The following ITIH6 variants were observed in gnomAD, a reference collection of about 807,000 sequenced individuals.
ITIH6 encodes the protein inter-alpha-trypsin inhibitor heavy chain family member 6.
A neutral mutation model predicts 58.2 loss-of-function variants in ITIH6; 60 were observed. The observed-to-expected ratio is 1.03, with a 90% confidence interval of 0.84 to 1.28. ITIH6 has a LOEUF of 1.28. Among genes scored for constraint, ITIH6 ranks in the 50% most tolerant of loss-of-function variants. The pLI is 0.00. For missense variants in ITIH6, 1,290 were observed against 1,021.1 expected, an observed-to-expected ratio of 1.26 and a Z score of -3.59; for synonymous variants, 493 against 417.4, an observed-to-expected ratio of 1.18 and a Z score of -2.21.
Position 54,749,907 on chromosome X carries a change from G to C in ITIH6, c.3930C>G (p.Ser1310=). Residue 1310 remains serine, a synonymous_variant, in exon 13 of 13, where the codon TCC becomes TCG. Transcript: ENST00000218436. ...VELLLGHPYL[S]YVL The stretch of plus-strand genomic sequence containing the variant: ...AATTCAGAAGCCATCACAGGACATA[G>C]GAGAGGTAGGGGTGGCCCAGAAGCA... 2 of 1,209,738 alleles carry C rather than the reference G, an allele frequency of 1.7e-6. No homozygotes were observed. Among genetic ancestry groups the C allele is most frequent in the Non-Finnish European group, 2.2e-6 (2 of 894,209 alleles).
chrX:54,770,824 A>G (rs1291139451), intron 6 of ITIH6, among the ~76,000 whole-genome samples: 1 of 112,530 alleles, frequency 8.9e-6, no homozygotes, highest in Non-Finnish European at 1.9e-5. Context: ...AGATCCAAGT[A>G]TCTGAGATAT....
chrX:54,763,002 CAGAG>C (rs1222766394), intron 6 of ITIH6, among the ~76,000 whole-genome samples: 15 of 112,049 alleles, frequency 1.3e-4, no homozygotes, highest in Non-Finnish European at 2.3e-4. Context: ...CACTGAGACT[CAGAG>C]AGGTGGGTGC....
At position 54,757,951 on chromosome X, in the gene ITIH6, G is replaced by A. The variant is rs764936598; in HGVS notation, c.2123C>T (p.Pro708Leu). 1 of 1,211,846 alleles carries A rather than the reference G, an allele frequency of 8.3e-7. No homozygotes were observed. Among genetic ancestry groups the A allele is most frequent in the East Asian group, 3.0e-5 (1 of 33,840 alleles). Residue 708 changes from proline (P) to leucine (L), a missense_variant, in exon 8 of 13, where the codon CCA becomes CTA. Coordinates refer to ENST00000218436, the MANE Select transcript of ITIH6 (RefSeq NM_198510.3). The part of the protein sequence containing the change: ...SMPTYPKAKI[P>L]AQQDSGTLAQ... ...CAAGGTGCCAGAATCCTGTTGTGCT[G>A]GAATTTTGGCCTTTGGGTATGTGGG...
chrX:54,762,742 A>G (rs1281775261), intron 6 of ITIH6, among the ~76,000 whole-genome samples: 1 of 110,497 alleles, frequency 9.1e-6, no homozygotes, highest in Non-Finnish European at 1.9e-5. Context: ...CAAATATTGA[A>G]CCCTTTGAGA....
chrX:54,758,332 T>A lies in ITIH6; in HGVS notation c.1742A>T (p.Asp581Val). 8.3e-7 allele frequency: 1 copy of A among 1,211,715 alleles called. No homozygotes were observed. Among genetic ancestry groups the A allele is most frequent in the Non-Finnish European group, 1.1e-6 (1 of 895,448 alleles). Residue 581 changes from aspartate (D) to valine (V), a missense_variant, in exon 8 of 13, where the codon GAC (aspartate) becomes GTC (valine). Coordinates refer to ENST00000218436, the MANE Select transcript of ITIH6 (RefSeq NM_198510.3). ...ELLDAHFQARDTTTRHLLAAK... is the reference protein window; with the variant it reads ...ELLDAHFQARVTTTRHLLAAK... ...AGCCAGCAGGTGGCGAGTGGTGGTG[T>A]CACGAGCTTGGAAGTGTGCATCCAG...
intron 9 of ITIH6, 99 bp downstream of exon 9, chrX:54,754,918 T>C: frequency 6.6e-6 from 4 of 607,680 alleles, no homozygotes; most frequent in Non-Finnish European, 1.1e-5. Context: ...AGAAAACTAA[T>C]ACATTACTTC....
rs192230114 is a variant in ITIH6, at chrX:54,790,339, G to C, written c.616+498C>G. ...TGTGATTCTGATGTAGCCAGTCTGG[G>C]CTTCCAAAACCTCTAGGTGACATTT... On this transcript the variant is annotated intron_variant, in intron 4 of 12. Coordinates refer to ENST00000218436, the MANE Select transcript of ITIH6 (RefSeq NM_198510.3). Among the ~76,000 whole-genome samples, 66 of 111,970 alleles carry C rather than the reference G, an allele frequency of 5.9e-4. No individual in the cohort carries two copies. The East Asian group carries it at 7.6e-3, about 13-fold the overall frequency.
At chrX:54,783,535 T>C (rs1929184388) in intron 5 of ITIH6, among the ~76,000 whole-genome samples, 1 of 112,010 alleles carries the variant, frequency 8.9e-6, no homozygotes, top group Non-Finnish European at 1.9e-5. Context: ...CATTTCTATA[T>C]GCCAACAGTG....
At chrX:54,760,943 G>A (rs1928628389) in intron 6 of ITIH6, among the ~76,000 whole-genome samples, 1 of 111,543 alleles carries the variant, frequency 9.0e-6, no homozygotes, top group South Asian at 3.8e-4. Flanking sequence ...AATCCTTTGG[G>A]TATATACCCA....
At chrX:54,778,018 G>T (rs763926489) in intron 5 of ITIH6, among the ~76,000 whole-genome samples, 10 of 111,748 alleles carry the variant, frequency 8.9e-5, no homozygotes, top group Admixed American at 7.6e-4. Context: ...TTCAGACACA[G>T]AATTCAAAAT....
At chrX:54,793,865 G>A (rs1260226829) in intron 2 of ITIH6, among the ~76,000 whole-genome samples, 3 of 111,411 alleles carry the variant, frequency 2.7e-5, no homozygotes, top group Non-Finnish European at 5.6e-5. Context: ...CGTGGAGAAT[G>A]GAGAGTCTTG....
At chrX:54,769,987 G>A (rs867777226) in intron 6 of ITIH6, among the ~76,000 whole-genome samples, 133 of 109,243 alleles carry the variant, frequency 1.2e-3, no homozygotes, top group African/African-American at 3.9e-3. Context: ...CCTTGCTGCC[G>A]CCTTGCAGTT....
At chrX:54,794,685 C>A (rs956580181) in intron 2 of ITIH6, among the ~76,000 whole-genome samples, 3 of 111,494 alleles carry the variant, frequency 2.7e-5, no homozygotes, top group Non-Finnish European at 5.7e-5. Flanking sequence ...CACCCCAGGG[C>A]TGCTGTTTGA....
chrX:54,758,668 A>T lies in ITIH6; in HGVS notation c.1406T>A (p.Ile469Asn). ...CACATCTGCCAGCAGAGGCATGGAG[A>T]TCTCCTCATAGAGGCCCTTCAGCTG... Reference protein sequence around the residue: ...ALQLKGLYEEISMPLLADVRL... With the variant: ...ALQLKGLYEENSMPLLADVRL... Residue 469 changes from isoleucine to asparagine, a missense_variant, in exon 8 of 13, where the codon ATC becomes AAC. By Grantham distance (149) the Ile-to-Asn change is moderately radical. Transcript: ENST00000218436. The T allele has an allele frequency of 8.3e-7, 1 of 1,211,349 alleles. No homozygotes were observed. The highest frequency in any genetic ancestry group is 1.1e-6 in the Non-Finnish European group (1 of 895,311).
Position 54,758,392 on chromosome X carries a change from C to G in ITIH6, c.1682G>C (p.Arg561Pro). 8.3e-7 allele frequency: 1 copy of G among 1,210,885 alleles called. No homozygotes were observed. Among genetic ancestry groups the G allele is most frequent in the Non-Finnish European group, 1.1e-6 (1 of 894,980 alleles). The stretch of plus-strand genomic sequence containing the variant: ...AATGGTGACATAGGCCCAGAGGCGG[C>G]GGATGAAGTGGGCCACATTGGGGGC... Reference protein sequence around the residue: ...EPAPNVAHFIRRLWAYVTIGE... With the variant: ...EPAPNVAHFIPRLWAYVTIGE... Residue 561 changes from arginine (R) to proline (P), a missense_variant, in exon 8 of 13, where the codon CGC becomes CCC. Transcript: ENST00000218436.
At chrX:54,792,222 AAC>A (rs1463991011) in intron 2 of ITIH6, among the ~76,000 whole-genome samples, 186 bp from the exon 3 acceptor site, 1 of 111,427 alleles carries the variant, frequency 9.0e-6, no homozygotes, top group Non-Finnish European at 1.9e-5. Flanking sequence ...AGAGGGAGAT[AAC>A]AGAGTGAAGT....
At chrX:54,755,352 A>G (rs890120836) in intron 8 of ITIH6, among the ~76,000 whole-genome samples, 27 of 112,625 alleles carry the variant, frequency 2.4e-4, no homozygotes, top group African/African-American at 8.7e-4. Flanking sequence ...GGCATTGCTT[A>G]GGTATTAGGT....
intron 5 of ITIH6, among the ~76,000 whole-genome samples, chrX:54,778,581 A>G (rs1194919407): frequency 8.9e-6 from 1 of 112,162 alleles, no homozygotes; most frequent in East Asian, 2.8e-4. Flanking sequence ...AATAAACAGT[A>G]AGAAGAGACA....
chrX:54,757,867 A>C lies in ITIH6; in HGVS notation c.2207T>G (p.Leu736Arg). The change falls in exon 8 of 13, where the codon CTG becomes CGG. Residue 736 changes from leucine to arginine, a missense_variant. Coordinates refer to ENST00000218436, the MANE Select transcript of ITIH6 (RefSeq NM_198510.3). ...TAGAGAGCCGGGCTTCAGAGGCAAC[A>C]GAGTACCAGAATTTGAGGGCACAAG... ...TILVPSNSGT[L>R]LPLKPGSLSH... is the part of the protein sequence containing the mutation. The C allele has an allele frequency of 1.7e-6, 2 of 1,211,676 alleles. No individual in the cohort carries two copies. The highest frequency in any genetic ancestry group is 2.2e-6 in the Non-Finnish European group (2 of 895,455).
Sources: allele counts gnomAD v4.1 joint callset (sites outside exome capture counted in the v4.1 genomes callset), GRCh38; gene constraint gnomAD v4.1.1; transcripts MANE v1.5; gene names NCBI Gene and HGNC (gene_info 2026-07-23, HGNC 2026-07-21).